Variants in ZNF423 observed in about 807,000 individuals in gnomAD.
ZNF423 encodes the protein zinc finger protein 423.
Under a neutral mutation model 95.8 loss-of-function variants are expected in ZNF423, and 12 were observed. The ratio of observed to expected loss-of-function variants is 0.13; its 90% CI spans 0.08 to 0.20. The LOEUF is 0.20. Among genes scored for constraint, ZNF423 ranks in the 10% least tolerant of loss-of-function variants. The pLI is 1.00. For missense variants in ZNF423, 1,316 were observed against 1,737.1 expected (o/e 0.76, Z 4.31); for synonymous variants, 749 against 711.9 (o/e 1.05, Z -0.83).
intron 2 of ZNF423, among the ~76,000 whole-genome samples, chr16:49,783,244 G>A (rs376483389): frequency 1.3e-5 from 2 of 151,888 alleles, no homozygotes; most frequent in African/African-American, 4.8e-5. Flanking sequence ...GTTAGTACCA[G>A]GCTGGGATGG....
At chr16:49,519,461 T>C (rs1567439413) in intron 7 of ZNF423, among the ~76,000 whole-genome samples, 1 of 152,192 alleles carries the variant, frequency 6.6e-6, no homozygotes, top group Non-Finnish European at 1.5e-5. Context: ...GTTTTTCATT[T>C]ATGTGGGTGG....
At chr16:49,629,729 C>T (rs1428205724) in intron 4 of ZNF423, among the ~76,000 whole-genome samples, 1 of 152,196 alleles carries the variant, frequency 6.6e-6, no homozygotes, top group South Asian at 2.1e-4. Context: ...ACATGAAGTG[C>T]TTAACAAGCA....
At chr16:49,624,565 A>G (rs995928725) in intron 5 of ZNF423, among the ~76,000 whole-genome samples, 4 of 152,080 alleles carry the variant, frequency 2.6e-5, no homozygotes, top group Non-Finnish European at 5.9e-5. Flanking sequence ...AAAAAACCAA[A>G]CCAAACCAAA....
chr16:49,788,261 C>A (rs1425281846), intron 2 of ZNF423, among the ~76,000 whole-genome samples: 1 of 152,206 alleles, frequency 6.6e-6, no homozygotes, highest in Admixed American at 6.5e-5. Context: ...GCATTAGCTC[C>A]TGCTGGAAAG....
chr16:49,783,571 AAG>A (rs975635040), intron 2 of ZNF423, among the ~76,000 whole-genome samples: 1 of 95,154 alleles, frequency 1.1e-5, no homozygotes. Context: ...ATGGGTGGGA[AAG>A]AGGGGGGGTT....
At chr16:49,662,942 G>C (rs1256969243) in intron 3 of ZNF423, among the ~76,000 whole-genome samples, 1 of 152,206 alleles carries the variant, frequency 6.6e-6, no homozygotes, top group Non-Finnish European at 1.5e-5. Flanking sequence ...AAACCCCACA[G>C]GGACCCAAAA....
rs900395278 is a variant in ZNF423 at position 49,523,749 on chromosome 16, G to A, written c.3734-10C>T. 9.3e-6 allele frequency: 15 copies of A among 1,610,888 alleles called. No homozygotes were observed. The Middle Eastern group carries it at 1.8e-3, about 194-fold the overall frequency. On this transcript the variant is annotated splice_polypyrimidine_tract_variant and intron_variant, in intron 6 of 7. Transcript: ENST00000563137. The stretch of plus-strand genomic sequence containing the variant: ...TTGGCCTGGACGAAGACTAGACACA[G>A]ACACGGCTGTCAGGGCCAAGCTCAG...
intron 1 of ZNF423, among the ~76,000 whole-genome samples, chr16:49,796,735 T>G (rs1476430052): frequency 1.3e-5 from 2 of 152,032 alleles, no homozygotes; most frequent in Non-Finnish European, 2.9e-5. Flanking sequence ...CTTTCTGAAC[T>G]CCAAAATCCA....
At chr16:49,564,691 C>T (rs537579386) in intron 5 of ZNF423, among the ~76,000 whole-genome samples, 2 of 152,344 alleles carry the variant, frequency 1.3e-5, no homozygotes, top group Admixed American at 1.3e-4. Context: ...CACTGAGCTC[C>T]TGGAGCCTTT....
intron 2 of ZNF423, among the ~76,000 whole-genome samples, chr16:49,761,555 C>A (rs2033833596): frequency 6.6e-6 from 1 of 152,218 alleles, no homozygotes; most frequent in Non-Finnish European, 1.5e-5. Context: ...CATTACCTCA[C>A]CTGCAAAACA....
Position 49,638,243 on chromosome 16 carries a change from G to A in ZNF423, c.933C>T (p.Val311=), listed in dbSNP as rs752065232. Residue 311 remains valine, a synonymous_variant, in exon 4 of 8, where the codon GTC becomes GTT. Coordinates refer to ENST00000563137, the MANE Select transcript of ZNF423 (RefSeq NM_001379286.1). This position sits in a 1 kb window ranked among gnomAD's most constrained non-coding sequence, Gnocchi z 5.6. ...CGAGCAGTGTGTTCTCGTCGACGAA[G>A]ACCTCAGGGCAGTGAATGCACTGCA... is the stretch of plus-strand genomic sequence containing the variant. ...ADLQCIHCPE[V]FVDENTLLAH... 3.6e-5 allele frequency: 58 copies of A among 1,611,340 alleles called. No individual in the cohort carries two copies. Among genetic ancestry groups the A allele is most frequent in the Non-Finnish European group, 4.7e-5 (56 of 1,180,044 alleles).
At chr16:49,729,455 A>G (rs563032452) in intron 3 of ZNF423, among the ~76,000 whole-genome samples, 1 of 152,186 alleles carries the variant, frequency 6.6e-6, no homozygotes, top group Non-Finnish European at 1.5e-5. Context: ...CCTTTGCCCT[A>G]GTATTTCCCT....
At chr16:49,608,143 C>T (rs1452450404) in intron 5 of ZNF423, among the ~76,000 whole-genome samples, 2 of 152,330 alleles carry the variant, frequency 1.3e-5, no homozygotes, top group Non-Finnish European at 2.9e-5. Flanking sequence ...CCCACCCCAG[C>T]CTGTCTACCT....
intron 5 of ZNF423, among the ~76,000 whole-genome samples, chr16:49,555,315 G>C (rs58848896): frequency 0.023 from 3,455 of 152,282 alleles, 140 homozygotes; most frequent in African/African-American, 0.079. Flanking sequence ...ATTCAGTTCA[G>C]GCTGTGCAGG....
chr16:49,646,146 G>A (rs988309500), intron 3 of ZNF423, among the ~76,000 whole-genome samples: 6 of 152,182 alleles, frequency 3.9e-5, no homozygotes, highest in Admixed American at 2.0e-4. Context: ...AAAGCAGCCC[G>A]GACAACCGAG....
At chr16:49,634,483 TG>T (rs1229722681) in intron 4 of ZNF423, among the ~76,000 whole-genome samples, 1 of 152,042 alleles carries the variant, frequency 6.6e-6, no homozygotes, top group African/African-American at 2.4e-5. Context: ...CCTTCCGCTG[TG>T]GGGTCCTCCC....
At chr16:49,508,586 C>T (rs1967753704) in intron 7 of ZNF423, among the ~76,000 whole-genome samples, 1 of 151,166 alleles carries the variant, frequency 6.6e-6, no homozygotes, top group Non-Finnish European at 1.5e-5. Flanking sequence ...AATCCCCAGG[C>T]CATGGACTGT....
rs145997286 is a variant in ZNF423, at chr16:49,671,171, C to A, written c.302-32297G>T. Among the ~76,000 whole-genome samples, 48 of 152,328 alleles carry A rather than the reference C, an allele frequency of 3.2e-4. No homozygotes were observed. The East Asian group carries it at 8.5e-3, about 27-fold the overall frequency. ...TTCCCTCATTAGCTGTGCCTGGTCA[C>A]CCAGGGGGCACAGAAGAAATGGTGT... On this transcript the variant is annotated intron_variant, in intron 3 of 7. Coordinates refer to ENST00000563137, the MANE Select transcript of ZNF423 (RefSeq NM_001379286.1).
At chr16:49,510,869 C>T (rs1024398885) in intron 7 of ZNF423, among the ~76,000 whole-genome samples, 7 of 152,228 alleles carry the variant, frequency 4.6e-5, no homozygotes, top group East Asian at 3.9e-4. Flanking sequence ...CAATGGCCAC[C>T]GGCCTGAGGC....
Sources: allele counts gnomAD v4.1 joint callset (sites outside exome capture counted in the v4.1 genomes callset), GRCh38; gene constraint gnomAD v4.1.1; non-coding constraint Gnocchi (gnomAD v3.1); transcripts MANE v1.5; gene names NCBI Gene and HGNC (gene_info 2026-07-23, HGNC 2026-07-21).